The following PTPN9 variants were observed in gnomAD, a reference collection of about 807,000 sequenced individuals.
The protein encoded by PTPN9 is protein tyrosine phosphatase non-receptor type 9, also known as tyrosine-protein phosphatase non-receptor type 9.
In PTPN9, 26 loss-of-function variants were observed where a neutral mutation model predicts 69.8. The ratio of observed to expected loss-of-function variants is 0.37; its 90% CI spans 0.27 to 0.52. PTPN9 has a LOEUF of 0.52. Among genes scored for constraint, PTPN9 ranks in the 20% least tolerant of loss-of-function variants. The pLI, the probability that PTPN9 is intolerant of heterozygous loss-of-function variation, is 0.91. For missense variants in PTPN9, 549 were observed against 740.3 expected (o/e 0.74, Z 3.00); for synonymous variants, 274 against 272.5 (o/e 1.01, Z -0.05).
intron 5 of PTPN9, chr15:75,512,784 C>T: frequency 3.8e-6 from 1 of 265,476 alleles, no homozygotes; most frequent in South Asian, 5.2e-5. Context: ...CTCTCATTTC[C>T]CCATCCTCTT....
At chr15:75,489,105 G>A (rs2074695003) in intron 8 of PTPN9, among the ~76,000 whole-genome samples, 2 of 149,264 alleles carry the variant, frequency 1.3e-5, no homozygotes, top group Non-Finnish European at 3.0e-5. Flanking sequence ...AACCTGGGAG[G>A]TGGAGCTTGC....
chr15:75,542,055 A>G (rs187183180), intron 1 of PTPN9, among the ~76,000 whole-genome samples: 19 of 151,974 alleles, frequency 1.3e-4, no homozygotes, highest in Non-Finnish European at 2.2e-4. Flanking sequence ...ATAAAATAAA[A>G]TAAAATAAAA....
At chr15:75,566,029 C>T (rs1176077423) in intron 1 of PTPN9, among the ~76,000 whole-genome samples, 4 of 151,996 alleles carry the variant, frequency 2.6e-5, no homozygotes, top group Non-Finnish European at 5.9e-5. Context: ...AGAAAAGTTT[C>T]CTGTATCACA....
At chr15:75,491,894 A>G (rs928706975) in intron 7 of PTPN9, among the ~76,000 whole-genome samples, 4 of 152,176 alleles carry the variant, frequency 2.6e-5, no homozygotes, top group African/African-American at 9.7e-5. Context: ...AAATCTCTTC[A>G]ATTCCAATTT....
chr15:75,496,645 C>T (rs1296122018), intron 7 of PTPN9, among the ~76,000 whole-genome samples: 27 of 151,622 alleles, frequency 1.8e-4, no homozygotes, highest in Admixed American at 1.8e-3. Context: ...TACAAACACA[C>T]GCCACCACAC....
chr15:75,500,344 TACACACACACACAC>T (rs35248279), intron 7 of PTPN9, among the ~76,000 whole-genome samples: 2 of 142,468 alleles, frequency 1.4e-5, no homozygotes, highest in African/African-American at 5.2e-5. Context: ...CAAACATACA[TACACACACACACAC>T]ACACACACAC....
intron 1 of PTPN9, among the ~76,000 whole-genome samples, chr15:75,564,783 C>A (rs1372216606): frequency 2.0e-5 from 3 of 151,410 alleles, no homozygotes; most frequent in African/African-American, 7.3e-5. Context: ...ACAACAAGAC[C>A]CTCTCTCTAT....
At chr15:75,490,773 C>T (rs1198498736) in intron 7 of PTPN9, among the ~76,000 whole-genome samples, 16 of 152,224 alleles carry the variant, frequency 1.1e-4, no homozygotes, top group East Asian at 1.9e-4. Flanking sequence ...TACAGGCTCC[C>T]GCCACCACGC....
At chr15:75,505,127 G>T (rs572446313) in intron 7 of PTPN9, among the ~76,000 whole-genome samples, 2 of 152,070 alleles carry the variant, frequency 1.3e-5, no homozygotes, top group African/African-American at 4.8e-5. Context: ...AAATTCTTCT[G>T]CCTTGGGATC....
chr15:75,471,391 G>A (rs1056843238), intron 10 of PTPN9, among the ~76,000 whole-genome samples: 1 of 152,136 alleles, frequency 6.6e-6, no homozygotes, highest in Non-Finnish European at 1.5e-5. Context: ...GGAGGTTTGT[G>A]TAAAAGCCTG....
At chr15:75,496,663 A>G (rs1054834541) in intron 7 of PTPN9, among the ~76,000 whole-genome samples, 3 of 151,942 alleles carry the variant, frequency 2.0e-5, no homozygotes, top group African/African-American at 7.2e-5. Flanking sequence ...CACCAAGCTA[A>G]TTTTTGTAAT....
intron 1 of PTPN9, among the ~76,000 whole-genome samples, chr15:75,543,856 T>C (rs928481945): frequency 2.0e-5 from 3 of 152,162 alleles, no homozygotes; most frequent in Non-Finnish European, 4.4e-5. Flanking sequence ...TTGTTGGTAA[T>C]CTTCATTTCA....
At chr15:75,569,627 C>A (rs2075140091) in intron 1 of PTPN9, among the ~76,000 whole-genome samples, 1 of 149,442 alleles carries the variant, frequency 6.7e-6, no homozygotes, top group African/African-American at 2.5e-5. Flanking sequence ...ATCGCTTGAA[C>A]CCAGGAGGCG....
In PTPN9 at chr15:75,546,994, G is replaced by A. The variant is rs543564445; in HGVS notation, c.64-19733C>T. 2.6e-5 allele frequency among the ~76,000 whole-genome samples: 4 copies of A among 151,804 alleles called. No homozygotes were observed. In the South Asian group the frequency reaches 8.3e-4, roughly 32 times the overall value. On this transcript the variant is annotated intron_variant, in intron 1 of 12. Coordinates refer to ENST00000618819, the MANE Select transcript of PTPN9 (RefSeq NM_002833.4). ...CACAGCAGAACTCTCACTCAGGCAA[G>A]TCAAAAACCACCTGTGCCAGGCCAG...
chr15:75,552,666 G>A (rs2075061252), intron 1 of PTPN9, among the ~76,000 whole-genome samples: 1 of 151,384 alleles, frequency 6.6e-6, no homozygotes. Context: ...TAGGTTAGGT[G>A]TATTAAATGC....
At chr15:75,537,589 T>G in intron 1 of PTPN9, among the ~76,000 whole-genome samples, 1 of 144,782 alleles carries the variant, frequency 6.9e-6, no homozygotes, top group Non-Finnish European at 1.5e-5. Context: ...CCCACCTCTA[T>G]TAAAAATGCA....
In PTPN9 at chr15:75,531,230, A is replaced by G. The variant is rs536444708; in HGVS notation, c.64-3969T>C. Among the ~76,000 whole-genome samples, 9 of 152,176 alleles carry G rather than the reference A, an allele frequency of 5.9e-5. No homozygotes were observed. The Admixed American group carries it at 5.9e-4, about 10-fold the overall frequency. ...GCTTTAGAGCCTTACGATTAAGGCA[A>G]CATAGCTTACACCATTGGAGAAGGA... On this transcript the variant is annotated intron_variant, in intron 1 of 12. Coordinates refer to ENST00000618819, the MANE Select transcript of PTPN9 (RefSeq NM_002833.4).
chr15:75,497,349 A>C (rs949075311), intron 7 of PTPN9, among the ~76,000 whole-genome samples: 9 of 151,942 alleles, frequency 5.9e-5, no homozygotes, highest in Admixed American at 2.0e-4. Context: ...AAAATTAGCA[A>C]GGTGTGGCAC....
At chr15:75,552,715 A>G (rs887106679) in intron 1 of PTPN9, among the ~76,000 whole-genome samples, 1 of 150,282 alleles carries the variant, frequency 6.7e-6, no homozygotes, top group African/African-American at 2.5e-5. Context: ...CGATGGGTCT[A>G]TTGGGACATA....
Sources: gnomAD v4.1 joint callset for allele counts (sites outside exome capture counted in the v4.1 genomes callset) on GRCh38, gnomAD v4.1.1 for gene constraint, MANE v1.5 for transcripts, NCBI Gene and HGNC (gene_info 2026-07-23, HGNC 2026-07-21) for gene names.